Variants in CSF2RA observed in about 807,000 individuals in gnomAD.
CSF2RA encodes the protein granulocyte-macrophage colony-stimulating factor receptor subunit alpha.
A neutral mutation model predicts 51.6 loss-of-function variants in CSF2RA; 42 were observed. That is an observed-to-expected ratio of 0.81 (90% CI 0.64 to 1.05). The LOEUF is 1.05. Among genes scored for constraint, CSF2RA ranks in the 50% least tolerant of loss-of-function variants. CSF2RA has a pLI of 0.00. For synonymous variants in CSF2RA, 222 were observed against 193.0 expected (o/e 1.15, Z -1.24); for missense variants, 530 against 501.1 (o/e 1.06, Z -0.55).
chrX:1,321,591 A>T, the CSF2RA span, among the ~76,000 whole-genome samples: 2 of 150,956 alleles, frequency 1.3e-5, no homozygotes, highest in Admixed American at 1.3e-4. Flanking sequence ...AAAAAAAAAG[A>T]AACGCAGACA....
chrX:1,272,041 C>T (rs184753376), intron 1 of CSF2RA, among the ~76,000 whole-genome samples: 15 of 151,394 alleles, frequency 9.9e-5, no homozygotes, highest in African/African-American at 3.6e-4. Flanking sequence ...GCAACCTCCA[C>T]CTTCCAGGTT....
At chrX:1,320,095 C>G in the CSF2RA span, among the ~76,000 whole-genome samples, 1 of 152,082 alleles carries the variant, frequency 6.6e-6, no homozygotes, top group East Asian at 1.9e-4. Context: ...CGGGATTTCA[C>G]CATGTTAGCC....
intron 7 of CSF2RA, among the ~76,000 whole-genome samples, chrX:1,291,141 C>T (rs1200830265): frequency 2.0e-5 from 3 of 151,998 alleles, no homozygotes; most frequent in African/African-American, 4.8e-5. Context: ...GGGCTAGTCT[C>T]GAACTCCTGA....
chrX:1,305,640 C>A (rs1237901081), intron 12 of CSF2RA, 113 bp downstream of exon 12: 2 of 1,611,584 alleles, frequency 1.2e-6, no homozygotes, highest in South Asian at 1.1e-5. Flanking sequence ...GGGACCGCAG[C>A]GTCACCACCG....
the CSF2RA span, among the ~76,000 whole-genome samples, chrX:1,316,853 G>A: frequency 2.0e-5 from 3 of 152,384 alleles, no homozygotes; most frequent in South Asian, 2.1e-4. Context: ...CGTTGAGGGC[G>A]TGGGGCCAAC....
chrX:1,300,077 G>C (rs1232482918), intron 9 of CSF2RA, among the ~76,000 whole-genome samples: 2 of 149,972 alleles, frequency 1.3e-5, no homozygotes, highest in Non-Finnish European at 3.0e-5. Flanking sequence ...AAATTAGCCG[G>C]GCGTGGTGGT....
intron 7 of CSF2RA, 126 bp downstream of exon 7, chrX:1,290,635 C>T (rs1169545585): frequency 2.6e-5 from 25 of 951,950 alleles, no homozygotes; most frequent in Middle Eastern, 3.1e-4. Context: ...GAGGCCGAGG[C>T]GGGCCGATCA....
At chrX:1,312,328 C>T (rs1289485504), downstream of CSF2RA, among the ~76,000 whole-genome samples, 1 of 152,140 alleles carries the variant, frequency 6.6e-6, no homozygotes, top group Non-Finnish European at 1.5e-5. Flanking sequence ...TAAAAGTCCT[C>T]CTTCCATAGA....
chrX:1,276,201 G>GT (rs1180225196), intron 2 of CSF2RA, among the ~76,000 whole-genome samples: 8 of 119,000 alleles, frequency 6.7e-5, no homozygotes, highest in Non-Finnish European at 1.2e-4. Context: ...TTGTTTGTTT[G>GT]TTTTTGTTTT....
chrX:1,314,342 TGCGCCTGCCCAACCCCACTGCATCTGCCC>T (rs2084353066), downstream of CSF2RA, among the ~76,000 whole-genome samples: 1 of 132,720 alleles, frequency 7.5e-6, no homozygotes, highest in African/African-American at 3.0e-5. Context: ...CCAACCCCAC[TGCGCCTGCCCAACCCCACTGCATCTGCCC>T]AACCACTCTG....
chrX:1,300,671 C>T (rs1372800394), intron 10 of CSF2RA, 45 bp downstream of exon 10: 2 of 1,613,458 alleles, frequency 1.2e-6, no homozygotes, highest in Admixed American at 1.7e-5. Context: ...CGTCTGCGGC[C>T]ACCCTGCAGC....
At chrX:1,300,767 G>T (rs1451297039) in intron 10 of CSF2RA, 141 bp downstream of exon 10, 3 of 1,097,846 alleles carry the variant, frequency 2.7e-6, no homozygotes, top group African/African-American at 3.1e-5. Flanking sequence ...TGAGCTTATC[G>T]CTGAGGCTCA....
intron 3 of CSF2RA, among the ~76,000 whole-genome samples, chrX:1,284,746 C>T (rs1230248573): frequency 6.8e-6 from 1 of 147,246 alleles, no homozygotes; most frequent in East Asian, 2.0e-4. Flanking sequence ...CTCATTGCAA[C>T]CTCCACCTCC....
chrX:1,269,491 CA>C (rs1183412776), intron 1 of CSF2RA, among the ~76,000 whole-genome samples: 1 of 151,854 alleles, frequency 6.6e-6, no homozygotes, highest in African/African-American at 2.4e-5. Context: ...ATGGTGGTGG[CA>C]GGCACCTGTA....
downstream of CSF2RA, among the ~76,000 whole-genome samples, chrX:1,314,587 ACTGCACCTGCCCAACCC>A (rs2084421327): frequency 2.4e-5 from 1 of 42,008 alleles, no homozygotes; most frequent in Non-Finnish European, 4.7e-5. Context: ...GCCCAACCCC[ACTGCACCTGCCCAACCC>A]CACTGCACCT....
chrX:1,316,870 GC>G, the CSF2RA span, among the ~76,000 whole-genome samples: 4 of 152,318 alleles, frequency 2.6e-5, no homozygotes, highest in East Asian at 5.8e-4. Flanking sequence ...CAACACGCTT[GC>G]CCCCCTAACG....
At position 1,277,993 on chromosome X, in the gene CSF2RA, A is replaced by AT. The variant is rs1385031343; in HGVS notation, c.-27+3178dup. 2.2e-4 allele frequency among the ~76,000 whole-genome samples: 31 copies of AT among 141,216 alleles called. 1 individual carries two copies. Among genetic ancestry groups the AT allele is most frequent in the African/African-American group, 7.0e-4 (27 of 38,344 alleles). The allele number at this position is 141,216 out of a possible 152,430, so 92.6% of individuals were successfully genotyped here. A position where few individuals can be genotyped will look rare whatever the true frequency, so the allele number is the denominator to read the frequency against. On this transcript the variant is annotated intron_variant, in intron 2 of 12. Coordinates refer to ENST00000381529, the MANE Select transcript of CSF2RA (RefSeq NM_172245.4). ...CTCAGTCTCAAAAAAAAAAAAAAAA[A>AT]TTTCAGGGCGAGCAAGTTTATTATG...
chrX:1,319,958 C>T, the CSF2RA span, among the ~76,000 whole-genome samples: 4 of 149,128 alleles, frequency 2.7e-5, no homozygotes, highest in African/African-American at 7.3e-5. Context: ...TGCAGTGGCA[C>T]GATCTCGGCT....
downstream of CSF2RA, among the ~76,000 whole-genome samples, chrX:1,313,763 C>T (rs771483093): frequency 1.3e-5 from 2 of 151,762 alleles, no homozygotes; most frequent in South Asian, 2.1e-4. Flanking sequence ...CCGAGGTGGG[C>T]AGATCACCTG....
Sources: allele counts gnomAD v4.1 joint callset (sites outside exome capture counted in the v4.1 genomes callset), GRCh38; gene constraint gnomAD v4.1.1; transcripts MANE v1.5; gene names NCBI Gene and HGNC (gene_info 2026-07-23, HGNC 2026-07-21).